UIMC1: variants seen among roughly 807,000 people sequenced by gnomAD.
UIMC1 encodes BRCA1-A complex subunit RAP80.
UIMC1 carries 42 observed loss-of-function variants against 84.9 expected under a neutral mutation model. The observed-to-expected ratio is 0.49, with a 90% CI of 0.39 to 0.64. UIMC1 has a LOEUF of 0.64. UIMC1 is among the 30% of genes least tolerant of loss of function. The pLI is 0.00. For missense variants in UIMC1, 825 were observed against 847.6 expected (o/e 0.97, Z 0.33); for synonymous variants, 281 against 293.0 (o/e 0.96, Z 0.42).
At chr5:176,907,353 T>C in intron 12 of UIMC1, 176 bp from the exon 13 acceptor site, 1 of 592,808 alleles carries the variant, frequency 1.7e-6, no homozygotes. Context: ...CAAACTATAA[T>C]GAAGAGAATA....
chr5:176,995,462 T>C (rs554344115), intron 1 of UIMC1, among the ~76,000 whole-genome samples: 9 of 143,592 alleles, frequency 6.3e-5, no homozygotes, highest in Admixed American at 5.6e-4. Flanking sequence ...GGTAGGAGAA[T>C]TGAATTGCTT....
Position 176,963,570 on chromosome 5 carries a change from T to A in UIMC1, c.1200+4985A>T, listed in dbSNP as rs527371068. 1.3e-4 allele frequency among the ~76,000 whole-genome samples: 20 copies of A among 151,166 alleles called. No individual in the cohort carries two copies. In the South Asian group the frequency reaches 4.2e-3, roughly 32 times the overall value. The stretch of plus-strand genomic sequence containing the variant: ...AATGAATAGATAAATCATCTGGTCA[T>A]CACAGAAATGTCCTCTATTGTGTGA... On this transcript the variant is annotated intron_variant, in intron 6 of 14. Coordinates refer to ENST00000511320, the MANE Select transcript of UIMC1 (RefSeq NM_001199298.2).
chr5:176,907,041 G>A (rs1168809101), intron 13 of UIMC1, 73 bp downstream of exon 13: 10 of 1,489,720 alleles, frequency 6.7e-6, no homozygotes, highest in African/African-American at 1.4e-5. Flanking sequence ...CAAATAGTCA[G>A]GGGGCTGGCA....
In UIMC1 at chr5:176,960,151, A is replaced by T. The variant is rs1429324988; in HGVS notation, c.1201-1997T>A. 2.0e-5 allele frequency among the ~76,000 whole-genome samples: 3 copies of T among 152,234 alleles called. No homozygotes were observed. In the East Asian group the frequency reaches 5.8e-4, roughly 29 times the overall value. On this transcript the variant is annotated intron_variant, in intron 6 of 14. Transcript: ENST00000511320. ...GAAGCAAAAACCATTAAATTATTTT[A>T]AAAATAAGTGAAACTTCGAGAGGTT...
chr5:176,966,579 C>T (rs1175469310), intron 6 of UIMC1, among the ~76,000 whole-genome samples: 15 of 151,988 alleles, frequency 9.9e-5, no homozygotes, highest in Admixed American at 9.2e-4. Context: ...TTTAAAATTA[C>T]AATTTATATA....
chr5:176,984,267 T>A (rs1304718741), intron 1 of UIMC1, among the ~76,000 whole-genome samples: 1 of 118,560 alleles, frequency 8.4e-6, no homozygotes, highest in Non-Finnish European at 1.9e-5. Flanking sequence ...CCGGCCCATC[T>A]GGGATGTGAG....
intron 2 of UIMC1, among the ~76,000 whole-genome samples, chr5:176,979,378 G>A (rs1770661407): frequency 6.6e-6 from 1 of 152,090 alleles, no homozygotes; most frequent in African/African-American, 2.4e-5. Context: ...CAACACTTTG[G>A]GGTGTATCAC....
chr5:176,996,502 T>C (rs1328826148), intron 1 of UIMC1, among the ~76,000 whole-genome samples: 3 of 152,262 alleles, frequency 2.0e-5, no homozygotes, highest in Non-Finnish European at 2.9e-5. Flanking sequence ...AAGAAAACTA[T>C]AAAGCTAACC....
chr5:176,993,885 G>A (rs1175087843), intron 1 of UIMC1, among the ~76,000 whole-genome samples: 1 of 151,860 alleles, frequency 6.6e-6, no homozygotes. Context: ...GCAGGCACTT[G>A]TAGTCCCAGC....
intron 2 of UIMC1, 80 bp from the exon 3 acceptor site, chr5:176,975,560 TAA>T: frequency 7.4e-7 from 1 of 1,355,698 alleles, no homozygotes; most frequent in East Asian, 2.3e-5. Context: ...CCCCTATGGC[TAA>T]GAGAGGCCTC....
chr5:176,978,348 G>A (rs1478997246), intron 2 of UIMC1, among the ~76,000 whole-genome samples: 1 of 152,058 alleles, frequency 6.6e-6, no homozygotes, highest in Non-Finnish European at 1.5e-5. Flanking sequence ...ACTCCAGCCT[G>A]GGCGACAGAG....
upstream of UIMC1, among the ~76,000 whole-genome samples, chr5:177,008,327 C>T (rs1670608655): frequency 6.6e-6 from 1 of 152,140 alleles, no homozygotes; most frequent in Non-Finnish European, 1.5e-5. Flanking sequence ...AACCTCAGTT[C>T]ATTTCTCCTG....
At position 176,958,107 on chromosome 5, in the gene UIMC1, TAC is replaced by T; in HGVS notation, c.1246_1247del (p.Val416ThrfsTer12). The T allele has an allele frequency of 6.2e-7, 1 of 1,613,714 alleles. No homozygotes were observed. The highest frequency in any genetic ancestry group is 2.2e-5 in the East Asian group (1 of 44,868). On this transcript the variant is annotated frameshift_variant, in exon 7 of 15. Coordinates refer to ENST00000511320, the MANE Select transcript of UIMC1 (RefSeq NM_001199298.2). LOFTEE classifies it high-confidence loss of function. ...TAATCTCTCACCTTTGTGAAGCAGG[TAC>T]AGAGTTTCCCTCTTCAGAAGTTTCT... ...VEETSEEGNSVPASQSVAALT... is the reference protein window; with the variant it reads ...VEETSEEGNSXPASQSVAALT...
intron 3 of UIMC1, among the ~76,000 whole-genome samples, chr5:176,974,318 GT>G (rs1394513541): frequency 6.6e-6 from 1 of 151,956 alleles, no homozygotes. Context: ...CCAGCAAATG[GT>G]ACAAGAATGA....
rs1343483368 is a variant in UIMC1, at chr5:176,914,069, T to TACCATACCAC, written c.1598-2681_1598-2680insGTGGTATGGT. Among the ~76,000 whole-genome samples, 82 of 144,490 alleles carry TACCATACCAC rather than the reference T, an allele frequency of 5.7e-4. 1 individual carries two copies. In the South Asian group the frequency reaches 7.6e-3, roughly 13 times the overall value. The allele number at this position is 144,490 out of a possible 152,430, so 94.8% of individuals were successfully genotyped here. On this transcript the variant is annotated intron_variant, in intron 10 of 14. Transcript: ENST00000511320. ...TACCATACCATACCATACCATACCA[T>TACCATACCAC]ACCACACCACACCACACCATACCAT...
chr5:176,924,074 T>C (rs1336789452), intron 10 of UIMC1, among the ~76,000 whole-genome samples: 2 of 151,804 alleles, frequency 1.3e-5, no homozygotes, highest in Non-Finnish European at 2.9e-5. Context: ...TCCCAGCACT[T>C]TGGGGGGCCG....
At chr5:176,956,857 C>T (rs1359354586) in intron 7 of UIMC1, among the ~76,000 whole-genome samples, 2 of 151,654 alleles carry the variant, frequency 1.3e-5, no homozygotes, top group Non-Finnish European at 2.9e-5. Flanking sequence ...GATAGAAAAC[C>T]ACAAGTGATT....
chr5:176,933,830 C>T (rs905010662), intron 10 of UIMC1, among the ~76,000 whole-genome samples: 1 of 152,046 alleles, frequency 6.6e-6, no homozygotes, highest in Non-Finnish European at 1.5e-5. Context: ...ACTACCATGA[C>T]TGACCCTAGA....
intron 1 of UIMC1, among the ~76,000 whole-genome samples, chr5:176,994,017 A>C (rs1773245471): frequency 6.6e-6 from 1 of 151,996 alleles, no homozygotes. Flanking sequence ...TCAAAAAAAA[A>C]AAAAAAGAAG....
Sources: allele counts gnomAD v4.1 joint callset (sites outside exome capture counted in the v4.1 genomes callset), GRCh38; gene constraint gnomAD v4.1.1; transcripts MANE v1.5; gene names NCBI Gene and HGNC (gene_info 2026-07-23, HGNC 2026-07-21).